MCTP1: variants seen among roughly 807,000 people sequenced by gnomAD.
MCTP1 encodes the protein multiple C2 and transmembrane domain containing 1.
Under a neutral mutation model 120.6 loss-of-function variants are expected in MCTP1, and 69 were observed. The observed-to-expected ratio is 0.57, with a 90% CI of 0.47 to 0.70. The LOEUF (loss-of-function observed/expected upper bound fraction) is 0.70. Ranked by LOEUF, MCTP1 falls within the 30% of genes least tolerant of loss-of-function variation. The probability of loss-of-function intolerance (pLI) is 0.00; values close to 1 mark genes in which losing one functional copy is unlikely to be tolerated. For missense variants in MCTP1, 1,203 were observed against 1,248.8 expected (o/e 0.96, Z 0.55); for synonymous variants, 529 against 493.1 (o/e 1.07, Z -0.96).
chr5:95,262,912 T>C (rs541327614), intron 1 of MCTP1, among the ~76,000 whole-genome samples: 1 of 152,336 alleles, frequency 6.6e-6, no homozygotes, highest in African/African-American at 2.4e-5. Flanking sequence ...ATATTTGTTA[T>C]TCAATTTGAT....
chr5:94,714,639 A>G, intron 20 of MCTP1, 138 bp downstream of exon 20: 7 of 682,888 alleles, frequency 1.0e-5, no homozygotes, highest in Non-Finnish European at 1.8e-5. Flanking sequence ...GAAATAAAGT[A>G]AATAATGATG....
At chr5:95,265,747 T>C (rs1424693937) in intron 1 of MCTP1, among the ~76,000 whole-genome samples, 1 of 152,194 alleles carries the variant, frequency 6.6e-6, no homozygotes, top group Non-Finnish European at 1.5e-5. Context: ...CATTTATCTT[T>C]TACATATATA....
At chr5:94,763,769 G>T (rs1264102874) in intron 19 of MCTP1, among the ~76,000 whole-genome samples, 1 of 152,098 alleles carries the variant, frequency 6.6e-6, no homozygotes, top group Non-Finnish European at 1.5e-5. Context: ...TTTATCTGAG[G>T]TTGAGCTTTA....
intron 17 of MCTP1, among the ~76,000 whole-genome samples, chr5:94,838,456 C>CAAT (rs1790286828): frequency 6.6e-6 from 1 of 152,018 alleles, no homozygotes; most frequent in Admixed American, 6.5e-5. Context: ...CATGTAGAAC[C>CAAT]AATACCTTCC....
chr5:94,819,004 G>A (rs910617172), intron 17 of MCTP1, among the ~76,000 whole-genome samples: 1 of 152,198 alleles, frequency 6.6e-6, no homozygotes, highest in South Asian at 2.1e-4. Context: ...GTGAGTGGGG[G>A]TGTAGATTTC....
intron 18 of MCTP1, chr5:94,792,694 CA>C (rs1434713299): frequency 6.5e-6 from 1 of 153,660 alleles, no homozygotes; most frequent in African/African-American, 2.4e-5. Flanking sequence ...AAAACAACAA[CA>C]ACAACAACAT....
chr5:95,165,684 T>G (rs1444885613), intron 1 of MCTP1, among the ~76,000 whole-genome samples: 1 of 152,218 alleles, frequency 6.6e-6, no homozygotes, highest in Admixed American at 6.5e-5. Flanking sequence ...GCTTGAAACT[T>G]AACCAGAAGG....
chr5:95,162,897 A>T (rs950611852), intron 1 of MCTP1, among the ~76,000 whole-genome samples: 5 of 152,214 alleles, frequency 3.3e-5, no homozygotes, highest in African/African-American at 1.2e-4. Flanking sequence ...TATTGGCAGG[A>T]ACTAGGATTA....
chr5:94,837,865 A>G (rs1405802829), intron 17 of MCTP1, among the ~76,000 whole-genome samples: 1 of 152,216 alleles, frequency 6.6e-6, no homozygotes, highest in Non-Finnish European at 1.5e-5. Context: ...TAATTTATAT[A>G]TTTAACTACA....
chr5:94,769,492 T>C (rs1773576416), intron 19 of MCTP1, among the ~76,000 whole-genome samples: 1 of 152,056 alleles, frequency 6.6e-6, no homozygotes, highest in Non-Finnish European at 1.5e-5. Context: ...TATATATCAA[T>C]AAAAAATTGA....
chr5:94,812,577 G>A (rs114984980), intron 17 of MCTP1, among the ~76,000 whole-genome samples: 56 of 151,226 alleles, frequency 3.7e-4, no homozygotes, highest in African/African-American at 1.3e-3. Flanking sequence ...GCACAATAAC[G>A]TAAAATGAAA....
At chr5:95,134,958 C>T (rs1386789191) in intron 1 of MCTP1, among the ~76,000 whole-genome samples, 1 of 118,040 alleles carries the variant, frequency 8.5e-6, no homozygotes, top group Non-Finnish European at 1.6e-5. Flanking sequence ...TTCCATTGCT[C>T]TTCAAGGATC....
At chr5:94,723,167 C>T (rs930117465) in intron 19 of MCTP1, among the ~76,000 whole-genome samples, 1 of 152,142 alleles carries the variant, frequency 6.6e-6, no homozygotes, top group South Asian at 2.1e-4. Context: ...AAGTGTCTTA[C>T]TCAGTTCTTA....
chr5:95,282,873 T>C (rs1337672632), intron 1 of MCTP1, among the ~76,000 whole-genome samples: 3 of 152,360 alleles, frequency 2.0e-5, no homozygotes, highest in Non-Finnish European at 4.4e-5. Context: ...AGCTGAGCTT[T>C]TAATCTACTA....
intron 2 of MCTP1, among the ~76,000 whole-genome samples, chr5:94,977,124 T>C (rs893041649): frequency 9.2e-5 from 14 of 152,024 alleles, no homozygotes; most frequent in Non-Finnish European, 2.9e-5. Context: ...CAAGTAACAT[T>C]GCAGGATACA....
chr5:94,945,101 A>G (rs1818612177), intron 3 of MCTP1, among the ~76,000 whole-genome samples: 1 of 152,142 alleles, frequency 6.6e-6, no homozygotes, highest in African/African-American at 2.4e-5. Flanking sequence ...TCATAAACAG[A>G]GTGTGTTTAA....
At chr5:95,128,601 T>C (rs925870012) in intron 1 of MCTP1, among the ~76,000 whole-genome samples, 2 of 152,192 alleles carry the variant, frequency 1.3e-5, no homozygotes, top group African/African-American at 2.4e-5. Context: ...TCCATTTGTA[T>C]GAAATATTCA....
At chr5:95,267,964 C>T (rs1458258285) in intron 1 of MCTP1, among the ~76,000 whole-genome samples, 1 of 152,242 alleles carries the variant, frequency 6.6e-6, no homozygotes, top group African/African-American at 2.4e-5. Context: ...TCCCTCCACC[C>T]TGAAGAAATC....
intron 2 of MCTP1, among the ~76,000 whole-genome samples, chr5:94,992,094 T>C (rs1424885037): frequency 6.6e-6 from 1 of 152,180 alleles, no homozygotes; most frequent in Non-Finnish European, 1.5e-5. Context: ...AAAACTGTGG[T>C]GCATCACTGT....
Sources: gnomAD v4.1 joint callset for allele counts (sites outside exome capture counted in the v4.1 genomes callset) on GRCh38, gnomAD v4.1.1 for gene constraint, MANE v1.5 for transcripts, NCBI Gene and HGNC (gene_info 2026-07-23, HGNC 2026-07-21) for gene names.